Variants in GOLPH3L observed in about 807,000 individuals in gnomAD.
The protein encoded by GOLPH3L is Golgi phosphoprotein 3-like.
GOLPH3L carries 22 observed loss-of-function variants against 30.3 expected under a neutral mutation model. That is an observed-to-expected ratio of 0.73 (90% CI 0.52 to 1.04). GOLPH3L has a LOEUF of 1.04. Ranked by LOEUF, GOLPH3L falls within the 50% of genes least tolerant of loss-of-function variation. GOLPH3L has a pLI of 0.00. For synonymous variants in GOLPH3L, 120 were observed against 128.2 expected (o/e 0.94, Z 0.43); for missense variants, 303 against 345.8 (o/e 0.88, Z 0.98).
intron 2 of GOLPH3L, among the ~76,000 whole-genome samples, chr1:150,689,074 A>G (rs587677927): frequency 1.3e-5 from 2 of 152,258 alleles, no homozygotes; most frequent in Admixed American, 1.3e-4. Context: ...GATTAAACAA[A>G]TAAGTGAAAA....
chr1:150,694,099 T>G (rs1651288458), intron 2 of GOLPH3L: 2 of 423,090 alleles, frequency 4.7e-6, no homozygotes, highest in Non-Finnish European at 9.6e-6. Flanking sequence ...CCTCAAGTGA[T>G]TCACTCACCT....
At chr1:150,674,336 T>C (rs1168005165) in intron 2 of GOLPH3L, among the ~76,000 whole-genome samples, 2 of 151,714 alleles carry the variant, frequency 1.3e-5, no homozygotes, top group Non-Finnish European at 1.5e-5. Context: ...TCTTGGCTCA[T>C]TGCAACCTCC....
chr1:150,680,633 A>C (rs1650927833), intron 2 of GOLPH3L, among the ~76,000 whole-genome samples: 1 of 152,206 alleles, frequency 6.6e-6, no homozygotes, highest in Admixed American at 6.5e-5. Flanking sequence ...GTCAAAAAAT[A>C]AGAAACTACT....
At chr1:150,655,915 C>A (rs1650228594) in intron 4 of GOLPH3L, among the ~76,000 whole-genome samples, 1 of 152,202 alleles carries the variant, frequency 6.6e-6, no homozygotes, top group Admixed American at 6.5e-5. Context: ...AAGACTGTTT[C>A]TTTATTATCC....
intron 2 of GOLPH3L, among the ~76,000 whole-genome samples, chr1:150,681,467 A>G (rs1418420933): frequency 6.6e-6 from 1 of 152,130 alleles, no homozygotes; most frequent in South Asian, 2.1e-4. Flanking sequence ...TGGGAAGGAA[A>G]CATGGCAGGA....
chr1:150,652,220 C>T (rs1288946090), intron 4 of GOLPH3L, among the ~76,000 whole-genome samples: 1 of 151,242 alleles, frequency 6.6e-6, no homozygotes, highest in African/African-American at 2.4e-5. Context: ...AACTATCTTT[C>T]AGAAATAAAA....
intron 2 of GOLPH3L, among the ~76,000 whole-genome samples, chr1:150,677,163 C>T (rs148931998): frequency 0.011 from 1,675 of 150,312 alleles, 37 homozygotes; most frequent in African/African-American, 0.039. Flanking sequence ...CTCTGCCTCC[C>T]GGGTTCAAGC....
intron 2 of GOLPH3L, among the ~76,000 whole-genome samples, chr1:150,667,682 C>T (rs1487416947): frequency 2.6e-5 from 4 of 151,344 alleles, no homozygotes; most frequent in South Asian, 2.1e-4. Context: ...TAAGCTCCAC[C>T]TGCCGGGTTC....
intron 2 of GOLPH3L, among the ~76,000 whole-genome samples, chr1:150,665,347 G>A (rs1650475246): frequency 6.6e-6 from 1 of 151,752 alleles, no homozygotes; most frequent in South Asian, 2.1e-4. Context: ...TTAAGAGACA[G>A]GCGGGGTCTT....
chr1:150,661,368 C>T (rs887025447), intron 4 of GOLPH3L, among the ~76,000 whole-genome samples: 2 of 152,078 alleles, frequency 1.3e-5, no homozygotes, highest in Non-Finnish European at 2.9e-5. Flanking sequence ...AAAACTTGTC[C>T]GTGCGTGTTC....
rs137875284 is a variant in GOLPH3L, at chr1:150,682,912, C to T, written c.183+11744G>A. On this transcript the variant is annotated intron_variant, in intron 2 of 4. Coordinates refer to ENST00000271732, the MANE Select transcript of GOLPH3L (RefSeq NM_018178.6). ...CAGAGAAAATAAAGAATAACTGGCA[C>T]GGACTTTCTTCCTTTTCCATGTTCC... 5.2e-3 allele frequency among the ~76,000 whole-genome samples: 786 copies of T among 152,204 alleles called. 3 individuals are homozygous for T. The highest frequency in any genetic ancestry group is 7.8e-3 in the Non-Finnish European group (533 of 68,008).
chr1:150,682,891 G>T (rs1353028725), intron 2 of GOLPH3L, among the ~76,000 whole-genome samples: 1 of 152,078 alleles, frequency 6.6e-6, no homozygotes, highest in Non-Finnish European at 1.5e-5. Flanking sequence ...GTCAAACAGA[G>T]AAAATAAAGA....
At chr1:150,691,060 A>ACACCTATAATCCCAGCACTTTGGG (rs1371673262) in intron 2 of GOLPH3L, among the ~76,000 whole-genome samples, 28 of 152,240 alleles carry the variant, frequency 1.8e-4, no homozygotes, top group Admixed American at 1.1e-3. Context: ...TTGGGAGGCC[A>ACACCTATAATCCCAGCACTTTGGG]AGGCAGGTGG....
At chr1:150,662,590 C>A (rs56058687) in intron 3 of GOLPH3L, among the ~76,000 whole-genome samples, 1 of 151,678 alleles carries the variant, frequency 6.6e-6, no homozygotes, top group South Asian at 2.1e-4. Context: ...AGGTGACAGA[C>A]GAAGCTATAA....
intron 2 of GOLPH3L, among the ~76,000 whole-genome samples, chr1:150,676,545 T>C (rs924845938): frequency 1.3e-5 from 2 of 152,012 alleles, no homozygotes; most frequent in East Asian, 1.9e-4. Flanking sequence ...TCATATTCCA[T>C]CAATTGTTTA....
chr1:150,695,900 A>G (rs587638280), intron 1 of GOLPH3L, among the ~76,000 whole-genome samples: 5 of 152,236 alleles, frequency 3.3e-5, no homozygotes, highest in African/African-American at 1.2e-4. Flanking sequence ...AATTTTCTCA[A>G]TTTAAAAAAA....
chr1:150,685,807 C>G (rs1651072429), intron 2 of GOLPH3L, among the ~76,000 whole-genome samples: 1 of 151,662 alleles, frequency 6.6e-6, no homozygotes, highest in Non-Finnish European at 1.5e-5. Flanking sequence ...GTTAACGATC[C>G]TGAACAATTC....
intron 4 of GOLPH3L, among the ~76,000 whole-genome samples, chr1:150,656,381 G>GCAT (rs918582510): frequency 5.3e-5 from 8 of 152,106 alleles, no homozygotes; most frequent in East Asian, 1.9e-4. Context: ...CCTGCTCTAG[G>GCAT]CATCCCTACC....
intron 1 of GOLPH3L, among the ~76,000 whole-genome samples, chr1:150,695,432 C>A (rs138283502): frequency 6.6e-6 from 1 of 151,882 alleles, no homozygotes; most frequent in Non-Finnish European, 1.5e-5. Flanking sequence ...CCACCAGGCC[C>A]GGCCAAACCT....
Sources: allele counts gnomAD v4.1 joint callset (sites outside exome capture counted in the v4.1 genomes callset), GRCh38; gene constraint gnomAD v4.1.1; transcripts MANE v1.5; gene names NCBI Gene and HGNC (gene_info 2026-07-23, HGNC 2026-07-21).